KIAA0232: variants seen among roughly 807,000 people sequenced by gnomAD.
KIAA0232 encodes KIAA0232, also known as uncharacterized protein KIAA0232.
A neutral mutation model predicts 122.0 loss-of-function variants in KIAA0232; 27 were observed. The observed-to-expected ratio is 0.22, with a 90% CI of 0.16 to 0.31. KIAA0232 has a LOEUF of 0.31. KIAA0232 is among the 10% of genes least tolerant of loss of function. The probability of loss-of-function intolerance (pLI) is 1.00; values close to 1 mark genes in which losing one functional copy is unlikely to be tolerated. For missense variants in KIAA0232, 1,551 were observed against 1,634.2 expected (o/e 0.95, Z 0.88); for synonymous variants, 613 against 587.6 (o/e 1.04, Z -0.63).
chr4:6,791,430 T>G lies in KIAA0232; in HGVS notation c.-354+8589T>G, dbSNP rs564902440. ...AGCCTTGGCCACCTCCCAGGCTCAA[T>G]TGATCCTCCCACCTCAGCTTCCTGA... On this transcript the variant is annotated intron_variant, in intron 1 of 9. Coordinates refer to ENST00000307659, the MANE Select transcript of KIAA0232 (RefSeq NM_014743.3). 6.0e-4 allele frequency among the ~76,000 whole-genome samples: 88 copies of G among 146,644 alleles called. 1 individual carries two copies. Among genetic ancestry groups the G allele is most frequent in the African/African-American group, 2.2e-3 (86 of 39,306 alleles).
chr4:6,790,214 G>T (rs1316291098), intron 1 of KIAA0232, among the ~76,000 whole-genome samples: 2 of 152,102 alleles, frequency 1.3e-5, no homozygotes, highest in African/African-American at 4.8e-5. Flanking sequence ...TTCCCTAAGT[G>T]CTTACCTGTT....
At chr4:6,797,952 G>A (rs1025235867) in intron 1 of KIAA0232, among the ~76,000 whole-genome samples, 2 of 151,788 alleles carry the variant, frequency 1.3e-5, no homozygotes, top group African/African-American at 4.8e-5. Context: ...CAGCTACTTG[G>A]GAGGCTGAGG....
chr4:6,804,970 G>T (rs1028627860), intron 2 of KIAA0232, among the ~76,000 whole-genome samples: 1 of 137,584 alleles, frequency 7.3e-6, no homozygotes, highest in African/African-American at 2.8e-5. Context: ...TGGAGGTTCC[G>T]GGTGCATATT....
chr4:6,785,198 A>G (rs1716564332), intron 1 of KIAA0232, among the ~76,000 whole-genome samples: 1 of 152,044 alleles, frequency 6.6e-6, no homozygotes, highest in Non-Finnish European at 1.5e-5. Context: ...CAGCCTCCCA[A>G]AGTGCTGGGA....
At chr4:6,795,100 T>C (rs1717071092) in intron 1 of KIAA0232, among the ~76,000 whole-genome samples, 1 of 152,056 alleles carries the variant, frequency 6.6e-6, no homozygotes, top group African/African-American at 2.4e-5. Flanking sequence ...AGATGGAGTC[T>C]CACTCTGTCG....
chr4:6,833,813 G>A (rs989961094), intron 3 of KIAA0232, among the ~76,000 whole-genome samples: 1 of 152,082 alleles, frequency 6.6e-6, no homozygotes, highest in African/African-American at 2.4e-5. Context: ...GATATCAGAA[G>A]GGTTATAGGG....
chr4:6,816,430 C>A (rs554151210), intron 2 of KIAA0232, among the ~76,000 whole-genome samples: 1 of 152,090 alleles, frequency 6.6e-6, no homozygotes, highest in East Asian at 1.9e-4. Context: ...CTACAAGCGC[C>A]TGCCACCACG....
At chr4:6,805,361 A>G (rs1047273670) in intron 2 of KIAA0232, among the ~76,000 whole-genome samples, 1 of 152,192 alleles carries the variant, frequency 6.6e-6, no homozygotes, top group East Asian at 1.9e-4. Context: ...ATTTTTAACT[A>G]TTAGGATATG....
chr4:6,818,712 A>G (rs1718263814), intron 2 of KIAA0232, among the ~76,000 whole-genome samples: 1 of 152,088 alleles, frequency 6.6e-6, no homozygotes, highest in Non-Finnish European at 1.5e-5. Context: ...AGAACTGGAA[A>G]AAAAAAAAAA....
At chr4:6,808,282 A>T (rs1165893213) in intron 2 of KIAA0232, among the ~76,000 whole-genome samples, 2 of 151,314 alleles carry the variant, frequency 1.3e-5, no homozygotes, top group African/African-American at 2.4e-5. Context: ...TATATCCTTT[A>T]TGCCTTCCCC....
intron 1 of KIAA0232, among the ~76,000 whole-genome samples, chr4:6,796,840 A>G (rs2108899963): frequency 6.6e-6 from 1 of 152,272 alleles, no homozygotes; most frequent in Middle Eastern, 3.4e-3. Context: ...GGCCTTAGCT[A>G]CCGTGATGGG....
intron 4 of KIAA0232, among the ~76,000 whole-genome samples, chr4:6,842,820 C>T (rs1032289760): frequency 7.2e-5 from 11 of 152,096 alleles, no homozygotes; most frequent in African/African-American, 2.7e-4. Context: ...AACTCCTGAT[C>T]TCAGGTGATC....
In KIAA0232 at chr4:6,861,327, A is replaced by C; in HGVS notation, c.945A>C (p.Val315=). 6.2e-7 allele frequency: 1 copy of C among 1,614,180 alleles called. No individual in the cohort carries two copies. The highest frequency in any genetic ancestry group is 1.3e-5 in the African/African-American group (1 of 75,038). The change falls in exon 7 of 10, where the codon GTA becomes GTC. Residue 315 remains valine, a synonymous_variant. Transcript: ENST00000307659. ...ELKASMKYVK[V]RHKAREIRNK... ...AAGCATCCATGAAGTATGTTAAAGTAAGACACAAGGCACGAGAGATTCGAA... is the reference window on the plus strand; with the variant it reads ...AAGCATCCATGAAGTATGTTAAAGTCAGACACAAGGCACGAGAGATTCGAA...
chr4:6,841,638 A>C (rs1169321891), intron 3 of KIAA0232, among the ~76,000 whole-genome samples: 1 of 152,240 alleles, frequency 6.6e-6, no homozygotes, highest in East Asian at 1.9e-4. Flanking sequence ...CTCTAGTCAC[A>C]TATGACATGA....
chr4:6,862,020 T>G lies in KIAA0232; in HGVS notation c.1638T>G (p.Asp546Glu). The stretch of plus-strand genomic sequence containing the variant: ...GACAGAAAAGCAAAGAGAACACAGA[T>G]TTTGAGGCAGAATGTTGCATAGTGT... ...MIRQKSKENT[D>E]FEAECCIVLD... is the part of the protein sequence containing the mutation. Residue 546 changes from aspartate (D) to glutamate (E), a missense_variant, in exon 7 of 10, where the codon GAT becomes GAG. Coordinates refer to ENST00000307659, the MANE Select transcript of KIAA0232 (RefSeq NM_014743.3). 1 of 1,614,146 alleles carries G rather than the reference T, an allele frequency of 6.2e-7. No homozygotes were observed. The highest frequency in any genetic ancestry group is 8.5e-7 in the Non-Finnish European group (1 of 1,180,030).
intron 8 of KIAA0232, among the ~76,000 whole-genome samples, chr4:6,872,774 T>A (rs910130166): frequency 1.3e-5 from 2 of 152,272 alleles, no homozygotes; most frequent in Non-Finnish European, 2.9e-5. Flanking sequence ...AAGTGACTTC[T>A]CTCTCACTAG....
intron 1 of KIAA0232, among the ~76,000 whole-genome samples, chr4:6,798,780 G>T (rs1296534112): frequency 2.0e-5 from 3 of 152,092 alleles, no homozygotes; most frequent in African/African-American, 7.2e-5. Flanking sequence ...TCAAACCCCT[G>T]GGCTCAAGCC....
chr4:6,864,316 T>C (rs1440036657), intron 7 of KIAA0232, 133 bp downstream of exon 7: 4 of 1,033,674 alleles, frequency 3.9e-6, no homozygotes, highest in Non-Finnish European at 5.5e-6. Context: ...CTTAAATTGT[T>C]CTAATTTTAC....
At chr4:6,875,986 A>C (rs1560212990) in intron 8 of KIAA0232, among the ~76,000 whole-genome samples, 1 of 152,190 alleles carries the variant, frequency 6.6e-6, no homozygotes, top group African/African-American at 2.4e-5. Flanking sequence ...AAGCCTCTCT[A>C]AAGCCCCCAG....
Sources: gnomAD v4.1 joint callset for allele counts (sites outside exome capture counted in the v4.1 genomes callset) on GRCh38, gnomAD v4.1.1 for gene constraint, MANE v1.5 for transcripts, NCBI Gene and HGNC (gene_info 2026-07-23, HGNC 2026-07-21) for gene names.